BTBD9: variants seen among roughly 807,000 people sequenced by gnomAD.
BTBD9 encodes BTB/POZ domain-containing protein 9.
BTBD9 carries 49 observed loss-of-function variants against 64.3 expected under a neutral mutation model. That is an observed-to-expected ratio of 0.76 (90% CI 0.61 to 0.97). The LOEUF is 0.97. BTBD9 is among the 50% of genes least tolerant of loss of function. The pLI is 0.00. For missense variants in BTBD9, 598 were observed against 762.1 expected, an observed-to-expected ratio of 0.78 and a Z score of 2.53; for synonymous variants, 260 against 274.7, an observed-to-expected ratio of 0.95 and a Z score of 0.53.
intron 6 of BTBD9, among the ~76,000 whole-genome samples, chr6:38,430,435 G>C (rs1340838886): frequency 6.6e-6 from 1 of 151,454 alleles, no homozygotes; most frequent in Non-Finnish European, 1.5e-5. Flanking sequence ...ATGCTGCCCA[G>C]GCTCATCTTG....
intron 6 of BTBD9, among the ~76,000 whole-genome samples, chr6:38,459,785 C>T (rs1034032132): frequency 6.6e-6 from 1 of 152,190 alleles, no homozygotes; most frequent in Non-Finnish European, 1.5e-5. Flanking sequence ...CTTCACACTG[C>T]ACACAGGTAC....
intron 7 of BTBD9, among the ~76,000 whole-genome samples, chr6:38,340,596 A>G (rs1764060689): frequency 6.6e-6 from 1 of 152,176 alleles, no homozygotes; most frequent in African/African-American, 2.4e-5. Context: ...TCACCCTTGA[A>G]GGATGCTAGG....
intron 6 of BTBD9, among the ~76,000 whole-genome samples, chr6:38,494,304 C>A (rs1218354935): frequency 1.3e-5 from 2 of 152,116 alleles, no homozygotes; most frequent in African/African-American, 2.4e-5. Flanking sequence ...TTTCTATTGC[C>A]AAATTTCCCT....
intron 7 of BTBD9, among the ~76,000 whole-genome samples, chr6:38,316,595 C>A (rs1271224009): frequency 2.0e-5 from 3 of 152,160 alleles, no homozygotes. Flanking sequence ...TTAACTTCAT[C>A]TCCCCACTTT....
chr6:38,195,547 C>T (rs1762248640), intron 9 of BTBD9, among the ~76,000 whole-genome samples: 1 of 152,132 alleles, frequency 6.6e-6, no homozygotes, highest in African/African-American at 2.4e-5. Context: ...AAAACCCACG[C>T]AGGATTGATG....
intron 6 of BTBD9, among the ~76,000 whole-genome samples, chr6:38,423,688 G>A (rs557580350): frequency 6.6e-6 from 1 of 152,218 alleles, no homozygotes; most frequent in East Asian, 1.9e-4. Context: ...CTTTCATTTT[G>A]GGAATTAGAC....
chr6:38,275,703 C>T (rs1761209532), intron 8 of BTBD9, among the ~76,000 whole-genome samples: 3 of 152,208 alleles, frequency 2.0e-5, no homozygotes, highest in Admixed American at 2.0e-4. Flanking sequence ...TGAACAGACA[C>T]TTCTCAAAAG....
intron 1 of BTBD9, among the ~76,000 whole-genome samples, chr6:38,610,535 CTG>C (rs1777581677): frequency 6.6e-6 from 1 of 152,156 alleles, no homozygotes; most frequent in South Asian, 2.1e-4. Flanking sequence ...CAAATAAACA[CTG>C]TGGTGGATAG....
At chr6:38,280,761 T>G (rs1210161694) in intron 8 of BTBD9, among the ~76,000 whole-genome samples, 3 of 152,228 alleles carry the variant, frequency 2.0e-5, no homozygotes, top group Admixed American at 6.5e-5. Context: ...CTCAGTCATT[T>G]GCTGGAGATG....
At chr6:38,261,973 T>C (rs1283146172) in intron 8 of BTBD9, among the ~76,000 whole-genome samples, 1 of 152,224 alleles carries the variant, frequency 6.6e-6, no homozygotes, top group Non-Finnish European at 1.5e-5. Context: ...ATTAAACCCC[T>C]TTGTTGATTT....
chr6:38,440,320 A>T (rs1442427521), intron 6 of BTBD9, among the ~76,000 whole-genome samples: 1 of 152,208 alleles, frequency 6.6e-6, no homozygotes, highest in African/African-American at 2.4e-5. Context: ...GTGGGATAGG[A>T]GGAAACCAGA....
intron 6 of BTBD9, among the ~76,000 whole-genome samples, chr6:38,345,493 C>T (rs1221303748): frequency 1.3e-5 from 2 of 152,260 alleles, no homozygotes; most frequent in Non-Finnish European, 2.9e-5. Context: ...CAAGCAAATG[C>T]TTTCCAGCTC....
At chr6:38,315,128 G>T (rs771252716) in intron 7 of BTBD9, among the ~76,000 whole-genome samples, 1 of 152,178 alleles carries the variant, frequency 6.6e-6, no homozygotes, top group Non-Finnish European at 1.5e-5. Flanking sequence ...GATTACAGGC[G>T]TGAGCCACCA....
intron 6 of BTBD9, among the ~76,000 whole-genome samples, chr6:38,463,652 C>A (rs1770206375): frequency 6.6e-6 from 1 of 152,220 alleles, no homozygotes; most frequent in African/African-American, 2.4e-5. Flanking sequence ...ATAAGCTCAA[C>A]TGTGTTCCTT....
At chr6:38,483,564 C>T (rs993069507) in intron 6 of BTBD9, among the ~76,000 whole-genome samples, 14 of 151,948 alleles carry the variant, frequency 9.2e-5, no homozygotes, top group South Asian at 2.1e-4. Context: ...CCTTAGAATT[C>T]GACACTATCA....
intron 2 of BTBD9, among the ~76,000 whole-genome samples, chr6:38,597,206 G>T (rs891177761): frequency 6.6e-6 from 1 of 152,114 alleles, no homozygotes; most frequent in Non-Finnish European, 1.5e-5. Flanking sequence ...ATCACTACAA[G>T]GTAATTGAAA....
intron 6 of BTBD9, among the ~76,000 whole-genome samples, chr6:38,508,735 G>A (rs918184198): frequency 1.1e-4 from 16 of 151,970 alleles, no homozygotes; most frequent in Admixed American, 4.6e-4. Flanking sequence ...GCTTGCCTCC[G>A]CTTCTATGTT....
At chr6:38,357,331 A>G (rs2127596043) in intron 6 of BTBD9, among the ~76,000 whole-genome samples, 1 of 152,264 alleles carries the variant, frequency 6.6e-6, no homozygotes, top group Non-Finnish European at 1.5e-5. Context: ...TAAGTCATTT[A>G]CCACTTGTTC....
At chr6:38,508,067 T>C (rs1469743898) in intron 6 of BTBD9, among the ~76,000 whole-genome samples, 1 of 152,044 alleles carries the variant, frequency 6.6e-6, no homozygotes, top group Non-Finnish European at 1.5e-5. Context: ...TCTCCTGACC[T>C]TGTGATCCAC....
Sources: gnomAD v4.1 joint callset for allele counts (sites outside exome capture counted in the v4.1 genomes callset) on GRCh38, gnomAD v4.1.1 for gene constraint, MANE v1.5 for transcripts, NCBI Gene and HGNC (gene_info 2026-07-23, HGNC 2026-07-21) for gene names.